The following ARFGEF1 variants were observed in gnomAD, a reference collection of about 807,000 sequenced individuals.
ARFGEF1 encodes the protein brefeldin A-inhibited guanine nucleotide-exchange protein 1.
ARFGEF1 carries 42 observed loss-of-function variants against 231.0 expected under a neutral mutation model. The ratio of observed to expected loss-of-function variants is 0.18; its 90% confidence interval spans 0.14 to 0.24. The LOEUF (loss-of-function observed/expected upper bound fraction) is 0.24. Ranked by LOEUF, ARFGEF1 falls within the 10% of genes least tolerant of loss-of-function variation. The pLI is 1.00. For synonymous variants in ARFGEF1, 710 were observed against 732.3 expected, an observed-to-expected ratio of 0.97 and a Z score of 0.49; for missense variants, 1,345 against 2,192.0, an observed-to-expected ratio of 0.61 and a Z score of 7.72.
intron 1 of ARFGEF1, among the ~76,000 whole-genome samples, chr8:67,311,232 G>A (rs1397619981): frequency 7.0e-6 from 1 of 143,526 alleles, no homozygotes; most frequent in Non-Finnish European, 1.5e-5. Context: ...CGTCCGGGAG[G>A]GAGGTGGGGA....
chr8:67,221,807 T>C (rs1023020290), intron 29 of ARFGEF1, among the ~76,000 whole-genome samples: 3 of 140,640 alleles, frequency 2.1e-5, no homozygotes, highest in African/African-American at 9.0e-5. Flanking sequence ...TTGTTGTTGC[T>C]TTTTTTTTTC....
At position 67,287,986 on chromosome 8, in the gene ARFGEF1, A is replaced by G. The variant is rs773615762; in HGVS notation, c.996T>C (p.Ile332=). 63 of 1,599,402 alleles carry G rather than the reference A, an allele frequency of 3.9e-5. No homozygotes were observed. The highest frequency in any genetic ancestry group is 5.3e-5 in the Non-Finnish European group (62 of 1,175,182). Residue 332 remains isoleucine (I), a synonymous_variant, in exon 7 of 39, where the codon ATT becomes ATC. Coordinates refer to ENST00000262215, the MANE Select transcript of ARFGEF1 (RefSeq NM_006421.5). ...EEKPQDIVQN[I]VEEMVNIVVG... ...CAACAATGTTCACCATTTCTTCTAC[A>G]ATGTTCTGTACAATGTCTTGTGGCT...
chr8:67,220,740 G>C (rs918432385), intron 29 of ARFGEF1, among the ~76,000 whole-genome samples: 1 of 152,030 alleles, frequency 6.6e-6, no homozygotes, highest in Non-Finnish European at 1.5e-5. Context: ...GCTGAGCTCC[G>C]TATCTATTCC....
chr8:67,254,219 G>T (rs1840383971), intron 17 of ARFGEF1, among the ~76,000 whole-genome samples: 1 of 152,144 alleles, frequency 6.6e-6, no homozygotes, highest in African/African-American at 2.4e-5. Context: ...TAAAGCTGTG[G>T]AATACAAGTT....
At chr8:67,313,341 C>A (rs191975171) in intron 1 of ARFGEF1, among the ~76,000 whole-genome samples, 1 of 152,104 alleles carries the variant, frequency 6.6e-6, no homozygotes, top group African/African-American at 2.4e-5. Context: ...GTGATTTTTG[C>A]GGGATGCTGA....
downstream of ARFGEF1, chr8:67,195,717 A>G (rs988656315): frequency 2.9e-6 from 2 of 692,782 alleles, no homozygotes; most frequent in Non-Finnish European, 4.9e-6. Context: ...TCTGTATATA[A>G]AATTATTTTT....
chr8:67,251,800 T>C (rs1840292859), intron 18 of ARFGEF1, among the ~76,000 whole-genome samples: 1 of 152,178 alleles, frequency 6.6e-6, no homozygotes, highest in South Asian at 2.1e-4. Context: ...TTGTTCATTT[T>C]TAAATGGCTA....
At chr8:67,286,783 T>G (rs1425329512) in intron 7 of ARFGEF1, among the ~76,000 whole-genome samples, 3 of 152,306 alleles carry the variant, frequency 2.0e-5, no homozygotes, top group African/African-American at 7.2e-5. Flanking sequence ...ATCTCATGGC[T>G]TCACTATTAA....
At chr8:67,324,249 G>A (rs1168637696) in intron 1 of ARFGEF1, among the ~76,000 whole-genome samples, 4 of 152,162 alleles carry the variant, frequency 2.6e-5, no homozygotes, top group South Asian at 2.1e-4. Context: ...AGGCGGGATC[G>A]CGCCACTGCA....
intron 16 of ARFGEF1, 38 bp from the exon 17 acceptor site, chr8:67,257,854 G>A (rs1322087072): frequency 2.0e-6 from 3 of 1,495,462 alleles, no homozygotes; most frequent in Non-Finnish European, 2.7e-6. Context: ...AACTTCTACT[G>A]TTTTATATAG....
intron 28 of ARFGEF1, 123 bp from the exon 29 acceptor site, chr8:67,225,156 A>G (rs1490612783): frequency 3.2e-6 from 3 of 950,274 alleles, no homozygotes; most frequent in South Asian, 3.5e-5. Context: ...AATAAAAAAT[A>G]ATTTATAAAA....
intron 7 of ARFGEF1, among the ~76,000 whole-genome samples, chr8:67,277,798 G>A (rs1805374255): frequency 6.6e-6 from 1 of 152,038 alleles, no homozygotes; most frequent in South Asian, 2.1e-4. Flanking sequence ...CAAATTCCTC[G>A]AAAAAATATC....
chr8:67,216,813 A>G, intron 32 of ARFGEF1, 151 bp from the exon 33 acceptor site: 1 of 497,248 alleles, frequency 2.0e-6, no homozygotes, highest in Non-Finnish European at 3.5e-6. Flanking sequence ...TTCCTAAAAA[A>G]CATCTAGTAA....
At chr8:67,279,443 G>C (rs530028231) in intron 7 of ARFGEF1, among the ~76,000 whole-genome samples, 1 of 151,986 alleles carries the variant, frequency 6.6e-6, no homozygotes, top group Non-Finnish European at 1.5e-5. Flanking sequence ...CACACAACTG[G>C]ATCTTCCCCA....
intron 1 of ARFGEF1, among the ~76,000 whole-genome samples, chr8:67,315,056 T>A (rs879779225): frequency 4.6e-5 from 7 of 152,012 alleles, no homozygotes; most frequent in African/African-American, 1.5e-4. Context: ...CACACCTATA[T>A]GATATAGTAG....
intron 6 of ARFGEF1, among the ~76,000 whole-genome samples, chr8:67,289,549 C>CAA (rs552601455): frequency 0.063 from 2,811 of 44,648 alleles, 206 homozygotes; most frequent in African/African-American, 0.11. Context: ...ACTCTGTATC[C>CAA]AAAAAAAAAA....
At chr8:67,308,923 T>C (rs1806867431) in intron 1 of ARFGEF1, among the ~76,000 whole-genome samples, 1 of 152,172 alleles carries the variant, frequency 6.6e-6, no homozygotes, top group Non-Finnish European at 1.5e-5. Context: ...ATTTAAAATC[T>C]ACCTTTAGTA....
chr8:67,212,310 C>A (rs373512461), intron 33 of ARFGEF1, among the ~76,000 whole-genome samples: 2 of 152,066 alleles, frequency 1.3e-5, no homozygotes, highest in African/African-American at 2.4e-5. Flanking sequence ...CTCCAACTCC[C>A]GACCTCAGGT....
At position 67,232,916 on chromosome 8, in the gene ARFGEF1, C is replaced by A; in HGVS notation, c.3319G>T (p.Ala1107Ser). Residue 1107 changes from alanine to serine, a missense_variant, in exon 23 of 39, where the codon GCA becomes TCA. Coordinates refer to ENST00000262215, the MANE Select transcript of ARFGEF1 (RefSeq NM_006421.5). Reference sequence around the variant, plus strand: ...TCTCCAATGGATTCCTGAATACTTGCTATCTGTTTCCAGTCCACATTTCCT... The same window carrying A: ...TCTCCAATGGATTCCTGAATACTTGATATCTGTTTCCAGTCCACATTTCCT... The part of the protein sequence containing the change: ...VGGNVDWKQI[A>S]SIQESIGETS... 1 of 1,611,150 alleles carries A rather than the reference C, an allele frequency of 6.2e-7. No individual in the cohort carries two copies. Among genetic ancestry groups the A allele is most frequent in the Non-Finnish European group, 8.5e-7 (1 of 1,178,348 alleles).
Sources: allele counts gnomAD v4.1 joint callset (sites outside exome capture counted in the v4.1 genomes callset), GRCh38; gene constraint gnomAD v4.1.1; transcripts MANE v1.5; gene names NCBI Gene and HGNC (gene_info 2026-07-23, HGNC 2026-07-21).